MKLN1: variants seen among roughly 807,000 people sequenced by gnomAD.
The protein encoded by MKLN1 is muskelin 1, also known as muskelin.
In MKLN1, 18 loss-of-function variants were observed where a neutral mutation model predicts 99.0. That is an observed-to-expected ratio of 0.18 (90% CI 0.13 to 0.27). The LOEUF is 0.27. MKLN1 is among the 10% of genes least tolerant of loss of function. The pLI, the probability that MKLN1 is intolerant of heterozygous loss-of-function variation, is 1.00. For synonymous variants in MKLN1, 288 were observed against 293.2 expected (o/e 0.98, Z 0.18); for missense variants, 621 against 875.9 (o/e 0.71, Z 3.67).
intron 1 of MKLN1, among the ~76,000 whole-genome samples, chr7:131,343,717 CTT>C (rs752101601): frequency 4.7e-4 from 72 of 152,146 alleles, no homozygotes; most frequent in Non-Finnish European, 7.4e-4. Flanking sequence ...TTATTTTACT[CTT>C]TTGAGGAAAT....
At chr7:131,369,126 A>G (rs1473830126) in intron 1 of MKLN1, among the ~76,000 whole-genome samples, 1 of 152,178 alleles carries the variant, frequency 6.6e-6, no homozygotes, top group Non-Finnish European at 1.5e-5. Context: ...ATGATAGTAT[A>G]AAGTTCCATG....
chr7:131,181,163 T>A (rs1796372624), intron 2 of MKLN1, among the ~76,000 whole-genome samples: 1 of 152,330 alleles, frequency 6.6e-6, no homozygotes, highest in African/African-American at 2.4e-5. Context: ...ATGATAATAA[T>A]TAATGTTAAA....
intron 2 of MKLN1, among the ~76,000 whole-genome samples, chr7:131,385,860 A>G (rs907405025): frequency 6.6e-6 from 1 of 152,084 alleles, no homozygotes; most frequent in Non-Finnish European, 1.5e-5. Flanking sequence ...TGATACTAAA[A>G]TTTTAGTTTT....
In MKLN1 at chr7:131,235,081, A is replaced by AT. The variant is rs535361472; in HGVS notation, c.-179+32115dup. 3.5e-3 allele frequency among the ~76,000 whole-genome samples: 525 copies of AT among 151,976 alleles called. 2 individuals carry two copies. In the Middle Eastern group the frequency reaches 0.044, roughly 13 times the overall value. The stretch of plus-strand genomic sequence containing the variant: ...AGAACACGGGGCTCTTCACATATAT[A>AT]TTTTTTTTATTCCAGGCAGTCTTCT... On this transcript the variant is annotated intron_variant, in intron 3 of 7. Transcript: ENST00000416992.
At chr7:131,216,163 G>T (rs1428867890) in intron 3 of MKLN1, among the ~76,000 whole-genome samples, 3 of 152,114 alleles carry the variant, frequency 2.0e-5, no homozygotes, top group African/African-American at 7.2e-5. Flanking sequence ...AGTTTGGGAG[G>T]CAGAGGCAGG....
rs138177844 is a variant in MKLN1, at chr7:131,250,179, C to T, written c.-179+47205C>T. Among the ~76,000 whole-genome samples, 11 of 152,190 alleles carry T rather than the reference C, an allele frequency of 7.2e-5. No homozygotes were observed. The East Asian group carries it at 2.1e-3, about 30-fold the overall frequency. On this transcript the variant is annotated intron_variant, in intron 3 of 7. Coordinates refer to the MKLN1 transcript ENST00000416992. ...CCATGGCGATCAGCCACAGGCGAGTCCTGAAGAGCTCAGAGGGGCTTCAGC... is the reference window on the plus strand; with the variant it reads ...CCATGGCGATCAGCCACAGGCGAGTTCTGAAGAGCTCAGAGGGGCTTCAGC...
intron 2 of MKLN1, among the ~76,000 whole-genome samples, chr7:131,156,278 A>G (rs1795962255): frequency 6.6e-6 from 1 of 152,098 alleles, no homozygotes; most frequent in African/African-American, 2.4e-5. Context: ...CTGTAATCCC[A>G]GCACTTTGGG....
At chr7:131,191,827 C>T (rs1488622528) in intron 2 of MKLN1, among the ~76,000 whole-genome samples, 1 of 150,178 alleles carries the variant, frequency 6.7e-6, no homozygotes, top group African/African-American at 2.4e-5. Flanking sequence ...AATTCTCATG[C>T]CTCAGCCTCT....
intron 3 of MKLN1, among the ~76,000 whole-genome samples, chr7:131,207,518 G>A (rs1213149258): frequency 9.9e-5 from 15 of 152,178 alleles, no homozygotes; most frequent in Non-Finnish European, 1.0e-4. Flanking sequence ...TTTATGGGCA[G>A]TATTTGAGGA....
intron 1 of MKLN1, among the ~76,000 whole-genome samples, chr7:131,140,774 C>CTTTTTTTT (rs35228515): frequency 6.1e-5 from 9 of 146,894 alleles, no homozygotes; most frequent in Non-Finnish European, 9.0e-5. Context: ...ACACACCATC[C>CTTTTTTTT]TTTTTTTTTT....
At chr7:131,426,685 G>A (rs1334999800) in intron 8 of MKLN1, among the ~76,000 whole-genome samples, 1 of 151,378 alleles carries the variant, frequency 6.6e-6, no homozygotes, top group East Asian at 1.9e-4. Flanking sequence ...ACTACAGAGT[G>A]TTTTTCATTT....
chr7:131,321,868 G>A (rs1398103868), intron 3 of MKLN1, among the ~76,000 whole-genome samples: 1 of 152,178 alleles, frequency 6.6e-6, no homozygotes, highest in African/African-American at 2.4e-5. Flanking sequence ...CACAAGTAAA[G>A]TACAACTCAC....
At chr7:131,444,745 T>TAGA (rs1795948329) in intron 11 of MKLN1, among the ~76,000 whole-genome samples, 5 of 98,120 alleles carry the variant, frequency 5.1e-5, no homozygotes, top group African/African-American at 8.9e-5. Flanking sequence ...GTAGTAGTAG[T>TAGA]AGTAGTAGTA....
intron 1 of MKLN1, among the ~76,000 whole-genome samples, chr7:131,131,612 A>C (rs1406816722): frequency 6.6e-6 from 1 of 152,220 alleles, no homozygotes; most frequent in Non-Finnish European, 1.5e-5. Context: ...CCAGATAGCT[A>C]GTGATTAGAA....
rs1491369584 is a variant in MKLN1 at position 131,133,340 on chromosome 7, T to TC, written c.-418-9479dup. ...TTTATTTTAATTTTAATTTTTTTTT[T>TC]CTTTCTTTCTTTCTTTTTTTTTTTT... On this transcript the variant is annotated intron_variant, in intron 1 of 7. Transcript: ENST00000416992. Among the ~76,000 whole-genome samples, 7 of 132,918 alleles carry TC rather than the reference T, an allele frequency of 5.3e-5. No individual in the cohort carries two copies. The East Asian group carries it at 1.4e-3, about 27-fold the overall frequency. 87.2% of individuals were successfully genotyped at this position (132,918 alleles called of 152,430 possible).
At chr7:131,461,150 A>G (rs1041381322) in intron 12 of MKLN1, among the ~76,000 whole-genome samples, 5 of 152,154 alleles carry the variant, frequency 3.3e-5, no homozygotes, top group Non-Finnish European at 7.4e-5. Context: ...TACTTATAAT[A>G]CCTGATACAA....
intron 3 of MKLN1, among the ~76,000 whole-genome samples, chr7:131,254,409 TCATAA>T (rs1233992218): frequency 6.6e-6 from 1 of 152,096 alleles, no homozygotes; most frequent in Non-Finnish European, 1.5e-5. Flanking sequence ...GTTATGTGAC[TCATAA>T]CATAACATAA....
chr7:131,240,436 A>T (rs953394462), intron 3 of MKLN1, among the ~76,000 whole-genome samples: 6 of 152,162 alleles, frequency 3.9e-5, no homozygotes, highest in African/African-American at 1.4e-4. Context: ...ATAGAAAGAG[A>T]TCTCAATAAC....
chr7:131,374,133 T>A (rs1793560164), intron 1 of MKLN1, among the ~76,000 whole-genome samples: 1 of 152,156 alleles, frequency 6.6e-6, no homozygotes, highest in Non-Finnish European at 1.5e-5. Flanking sequence ...CTGCCTTTTT[T>A]AAAAAACACT....
Sources: allele counts gnomAD v4.1 joint callset (sites outside exome capture counted in the v4.1 genomes callset), GRCh38; gene constraint gnomAD v4.1.1; transcripts MANE v1.5; gene names NCBI Gene and HGNC (gene_info 2026-07-23, HGNC 2026-07-21).